The following GRIN2C variants were observed in gnomAD, a reference collection of about 807,000 sequenced individuals.
The protein encoded by GRIN2C is glutamate ionotropic receptor NMDA type subunit 2C.
In GRIN2C, 64 loss-of-function variants were observed where a neutral mutation model predicts 77.7. That is an observed-to-expected ratio of 0.82 (90% CI 0.67 to 1.01). GRIN2C has a LOEUF of 1.01. Among genes scored for constraint, GRIN2C ranks in the 50% least tolerant of loss-of-function variants. The pLI, the probability that GRIN2C is intolerant of heterozygous loss-of-function variation, is 0.00. For missense variants in GRIN2C, 1,549 were observed against 1,486.0 expected (o/e 1.04, Z -0.70); for synonymous variants, 792 against 643.4 (o/e 1.23, Z -3.49).
Position 74,849,994 on chromosome 17 carries a change from C to G in GRIN2C, c.1492-61G>C, listed in dbSNP as rs1350880953. On this transcript the variant is annotated intron_variant, in intron 6 of 12. Coordinates refer to ENST00000293190, the MANE Select transcript of GRIN2C (RefSeq NM_000835.6). The surrounding 1 kb of genome is among the most constrained non-coding windows in gnomAD (Gnocchi z 4.6). ...GCTCCCGTGGGGTGGACACGCTGCA[C>G]AGGCACCTCCAGACACCCCTTCTAG... 7.2e-6 allele frequency: 11 copies of G among 1,536,834 alleles called. No individual in the cohort carries two copies. The Admixed American group carries it at 1.9e-4, about 26-fold the overall frequency.
At position 74,846,294 on chromosome 17, in the gene GRIN2C, A is replaced by G. The variant is rs779028877; in HGVS notation, c.2163-41T>C. ...GCCTCAGAGCTAGGGACCATATGGG[A>G]GGGGAGGGGACACCGAAACTGGGGC... On this transcript the variant is annotated intron_variant, in intron 10 of 12. Coordinates refer to ENST00000293190, the MANE Select transcript of GRIN2C (RefSeq NM_000835.6). This position sits in a 1 kb window ranked among gnomAD's most constrained non-coding sequence, Gnocchi z 4.4. The G allele has an allele frequency of 2.5e-6, 4 of 1,576,832 alleles. No homozygotes were observed. The African/African-American group carries it at 4.0e-5, about 16-fold the overall frequency.
chr17:74,854,738 T>C lies in GRIN2C; in HGVS notation c.355A>G (p.Ile119Val). The C allele has an allele frequency of 1.9e-6, 3 of 1,611,406 alleles. No individual in the cohort carries two copies. In the South Asian group the frequency reaches 3.3e-5, roughly 18 times the overall value. ...GCAGAGCCTCCGCTGATGCTGAGGA[T>C]GGGCACATGGGTCTGGGAGGAGATG... ...DFISSQTHVP[I>V]LSISGGSAVV... The change falls in exon 2 of 13, where the codon ATC (isoleucine) becomes GTC (valine). Residue 119 changes from isoleucine to valine, a missense_variant. This residue lies in a region of GRIN2C where 382 missense variants were observed against 360.0 expected (regional missense o/e 1.06). Transcript: ENST00000293190.
chr17:74,843,293 G>T lies in GRIN2C; in HGVS notation c.2844C>A (p.Thr948=). The change falls in exon 13 of 13, where the codon ACC becomes ACA. Residue 948 remains threonine (T), a synonymous_variant. Transcript: ENST00000293190. ...GGCTCGGCTCTGGGGGCGGGTCGGG[G>T]GTGGGCAGGCATGGGCTGGGGCCAG... ...PRSGPSPCLP[T]PDPPPEPSPT... 1 of 1,192,456 alleles carries T rather than the reference G, an allele frequency of 8.4e-7. No homozygotes were observed. The highest frequency in any genetic ancestry group is 1.1e-6 in the Non-Finnish European group (1 of 876,646). 73.9% of individuals were successfully genotyped at this position (1,192,456 alleles called of 1,614,324 possible). A position where few individuals can be genotyped will look rare whatever the true frequency, so the allele number is the denominator to read the frequency against.
At position 74,852,116 on chromosome 17, in the gene GRIN2C, C is replaced by T; in HGVS notation, c.895G>A (p.Gly299Ser). 2 of 1,462,096 alleles carry T rather than the reference C, an allele frequency of 1.4e-6. No individual in the cohort carries two copies. Among genetic ancestry groups the T allele is most frequent in the South Asian group, 1.4e-5 (1 of 72,788 alleles). 90.6% of individuals were successfully genotyped at this position (1,462,096 alleles called of 1,614,324 possible). A position where few individuals can be genotyped will look rare whatever the true frequency, so the allele number is the denominator to read the frequency against. ...VRDGVAILAL[G>S]AHSYWRQHGT... ...TGCTGGCGCCAGTAGCTGTGGGCGC[C>T]CAGGGCCAGAATGGCCACGCCGTCG... Residue 299 changes from glycine (G) to serine (S), a missense_variant, in exon 3 of 13, where the codon GGC (glycine) becomes AGC (serine). Physicochemically the swap from Gly to Ser is moderately conservative, Grantham distance 56 (BLOSUM62 0). Coordinates refer to ENST00000293190, the MANE Select transcript of GRIN2C (RefSeq NM_000835.6).
intron 3 of GRIN2C, 43 bp from the exon 4 acceptor site, chr17:74,851,734 G>T: frequency 8.0e-7 from 1 of 1,252,870 alleles, no homozygotes; most frequent in Non-Finnish European, 1.1e-6. Context: ...CAAGGACCAG[G>T]CACCCCCTGC....
chr17:74,850,804 C>G lies in GRIN2C; in HGVS notation c.1114-37G>C, dbSNP rs1263973883. The stretch of plus-strand genomic sequence containing the variant: ...GACAGCCTCAGCCTGGGGCCTCCAG[C>G]CCTACAGCCCCCACCCTCTAGGTGG... On this transcript the variant is annotated intron_variant, in intron 4 of 12. Transcript: ENST00000293190. This position sits in a 1 kb window ranked among gnomAD's most constrained non-coding sequence, Gnocchi z 5.3. The G allele has an allele frequency of 1.3e-6, 2 of 1,519,424 alleles. No individual in the cohort carries two copies. The allele number at this position is 1,519,424 out of a possible 1,614,324, so 94.1% of individuals were successfully genotyped here.
Position 74,844,406 on chromosome 17 carries a change from A to G in GRIN2C, c.2453T>C (p.Val818Ala), listed in dbSNP as rs1266477763. The G allele has an allele frequency of 1.9e-6, 3 of 1,614,046 alleles. No homozygotes were observed. In the South Asian group the frequency reaches 3.3e-5, roughly 18 times the overall value. The stretch of plus-strand genomic sequence containing the variant: ...CATGGCCACCAGCAGCATGTAGAAG[A>G]CGCCTGCCATGTTGTCGATGTCCAG... ...SKLDIDNMAG[V>A]FYMLLVAMGL... is the part of the protein sequence containing the mutation. Residue 818 changes from valine (V) to alanine (A), a missense_variant, in exon 12 of 13, where the codon GTC becomes GCC. By Grantham distance (64) the Val-to-Ala change is moderately conservative. Coordinates refer to ENST00000293190, the MANE Select transcript of GRIN2C (RefSeq NM_000835.6).
rs372220061 is a variant in GRIN2C at position 74,850,726 on chromosome 17, G to C, written c.1155C>G (p.Pro385=). The change falls in exon 5 of 13, where the codon CCC becomes CCG. Residue 385 remains proline, a synonymous_variant. Coordinates refer to ENST00000293190, the MANE Select transcript of GRIN2C (RefSeq NM_000835.6). This position sits in a 1 kb window ranked among gnomAD's most constrained non-coding sequence, Gnocchi z 5.3. ...GAGAGGCACTGTAGCGAGGCCACAC[G>C]GGGTACTTCATGTATAGGACGCCAT... ...WEHGVLYMKY[P]VWPRYSASLQ... is the part of the protein sequence containing the mutation. 40 of 1,613,278 alleles carry C rather than the reference G, an allele frequency of 2.5e-5. No individual in the cohort carries two copies. Among genetic ancestry groups the C allele is most frequent in the Non-Finnish European group, 3.3e-5 (39 of 1,179,988 alleles).
intron 11 of GRIN2C, among the ~76,000 whole-genome samples, chr17:74,845,860 T>TA (rs1382685600): frequency 6.6e-6 from 1 of 151,794 alleles, no homozygotes; most frequent in African/African-American, 2.4e-5. Context: ...TCTAGCCCAG[T>TA]TCCTGCTCCC....
In GRIN2C at chr17:74,842,419, C is replaced by T. The variant is rs1052417222; in HGVS notation, c.*16G>A. On this transcript the variant is annotated 3_prime_UTR_variant, in exon 13 of 13. Transcript: ENST00000293190. ...GCAGAGAATCCAGCTGGCTCGGAGC[C>T]TGAGTGGCTGATAACTCACACTTCT... The T allele has an allele frequency of 2.6e-6, 2 of 767,816 alleles. No individual in the cohort carries two copies. The highest frequency in any genetic ancestry group is 4.8e-6 in the Non-Finnish European group (2 of 412,724). The allele number at this position is 767,816 out of a possible 1,614,324, so 47.6% of individuals were successfully genotyped here. A position where few individuals can be genotyped will look rare whatever the true frequency, so the allele number is the denominator to read the frequency against.
At position 74,849,692 on chromosome 17, in the gene GRIN2C, C is replaced by T; in HGVS notation, c.1645+88G>A. 1 of 1,284,076 alleles carries T rather than the reference C, an allele frequency of 7.8e-7. No homozygotes were observed. The allele number at this position is 1,284,076 out of a possible 1,614,324, so 79.5% of individuals were successfully genotyped here. ...CTGTGCTTGGCCTGTGAGAGCCCAC[C>T]CAACTCCCCATCCCCACCCAAGCTG... On this transcript the variant is annotated intron_variant, in intron 7 of 12. Transcript: ENST00000293190. This position sits in a 1 kb window ranked among gnomAD's most constrained non-coding sequence, Gnocchi z 4.6.
chr17:74,842,956 C>T lies in GRIN2C; in HGVS notation c.3181G>A (p.Ala1061Thr). ...DLPLLGPEQL[A>T]RREALLHAAW... ...GCGTGCAGCAGGGCCTCCCGCCGGG[C>T]CAGCTGCTCCGGACCGAGCAGCGGC... Residue 1061 changes from alanine to threonine, a missense_variant, in exon 13 of 13, where the codon GCC (alanine) becomes ACC (threonine). By Grantham distance (58) the Ala-to-Thr change is moderately conservative. This residue lies in a region of GRIN2C where 450 missense variants were observed against 267.9 expected (regional missense o/e 1.68). Transcript: ENST00000293190. 1 of 545,602 alleles carries T rather than the reference C, an allele frequency of 1.8e-6. No individual in the cohort carries two copies. Among genetic ancestry groups the T allele is most frequent in the South Asian group, 2.3e-5 (1 of 43,804 alleles). The allele number at this position is 545,602 out of a possible 1,614,324, so 33.8% of individuals were successfully genotyped here.
rs759997177 is a variant in GRIN2C, at chr17:74,847,837, C to T, written c.1771+15G>A. ...CCCAGGCCCACCCCTCCTGCCGGGC[C>T]CAGGCAAGGCTTACTCTTGCCTCTG... On this transcript the variant is annotated intron_variant, in intron 8 of 12. Transcript: ENST00000293190. This position sits in a 1 kb window ranked among gnomAD's most constrained non-coding sequence, Gnocchi z 5.2. 2.5e-6 allele frequency: 4 copies of T among 1,613,664 alleles called. No individual in the cohort carries two copies. Among genetic ancestry groups the T allele is most frequent in the African/African-American group, 2.7e-5 (2 of 74,900 alleles).
Position 74,855,109 on chromosome 17 carries a change from T to C in GRIN2C, c.-15-2A>G, listed in dbSNP as rs2037783740. The C allele has an allele frequency of 6.4e-7, 1 of 1,556,758 alleles. No homozygotes were observed. The highest frequency in any genetic ancestry group is 2.2e-5 in the East Asian group (1 of 44,468). ...CCCACCCATGTCCACCGGAGGGTCC[T>C]GCGGAGAGACCAGAACAAGCACAGG... On this transcript the variant is annotated splice_acceptor_variant, in intron 1 of 12. Transcript: ENST00000293190. LOFTEE classifies it low-confidence loss of function (5UTR_SPLICE).
In GRIN2C at chr17:74,842,610, G is replaced by A. The variant is rs765894647; in HGVS notation, c.3527C>T (p.Ser1176Phe). Residue 1176 changes from serine to phenylalanine, a missense_variant, in exon 13 of 13, where the codon TCC (serine) becomes TTC (phenylalanine). Coordinates refer to ENST00000293190, the MANE Select transcript of GRIN2C (RefSeq NM_000835.6). Reference sequence around the variant, plus strand: ...AGGCCCCCAGGCCCCGGAGAGCCAGGAGCCGTGGCTGGCACAGGGTGGAAG... The same window carrying A: ...AGGCCCCCAGGCCCCGGAGAGCCAGAAGCCGTGGCTGGCACAGGGTGGAAG... The part of the protein sequence containing the change: ...PHLPPCASHG[S>F]WLSGAWGPLG... 7.2e-5 allele frequency: 55 copies of A among 763,524 alleles called. No homozygotes were observed. The highest frequency in any genetic ancestry group is 6.0e-4 in the African/African-American group (35 of 58,782). 47.3% of individuals were successfully genotyped at this position (763,524 alleles called of 1,614,324 possible). A position where few individuals can be genotyped will look rare whatever the true frequency, so the allele number is the denominator to read the frequency against.
At chr17:74,855,198 C>A (rs373176344) in intron 1 of GRIN2C, 91 bp from the exon 2 acceptor site, 2 of 1,049,042 alleles carry the variant, frequency 1.9e-6, no homozygotes, top group South Asian at 1.9e-5. Context: ...GACACACATA[C>A]GGAAGATGAA....
Position 74,842,905 on chromosome 17 carries a change from G to C in GRIN2C, c.3232C>G (p.Arg1078Gly). 1 of 570,210 alleles carries C rather than the reference G, an allele frequency of 1.8e-6. No homozygotes were observed. Among genetic ancestry groups the C allele is most frequent in the South Asian group, 2.1e-5 (1 of 48,074 alleles). 35.3% of individuals were successfully genotyped at this position (570,210 alleles called of 1,614,324 possible). Residue 1078 changes from arginine to glycine, a missense_variant, in exon 13 of 13, where the codon CGT becomes GGT. Coordinates refer to ENST00000293190, the MANE Select transcript of GRIN2C (RefSeq NM_000835.6). ...HAAWARGSRP[R>G]HASLPSSVAE... Reference sequence around the variant, plus strand: ...ACGGAGCTGGGCAGGGAAGCGTGACGCGGGCGCGAGCCCCGGGCCCAGGCC... The same window carrying C: ...ACGGAGCTGGGCAGGGAAGCGTGACCCGGGCGCGAGCCCCGGGCCCAGGCC...
At position 74,847,326 on chromosome 17, in the gene GRIN2C, C is replaced by G. The variant is rs757520453; in HGVS notation, c.1983G>C (p.Ser661=). The change falls in exon 9 of 13, where the codon TCG becomes TCC. Residue 661 remains serine (S), a synonymous_variant. Coordinates refer to ENST00000293190, the MANE Select transcript of GRIN2C (RefSeq NM_000835.6). The surrounding 1 kb of genome is among the most constrained non-coding windows in gnomAD (Gnocchi z 5.2). The part of the protein sequence containing the change: ...MIQEQYIDTV[S]GLSDKKFQRP... ...CCACAACCTTCTTGTCACTGAGGCC[C>G]GACACAGTGTCGATGTATTGCTCTT... is the stretch of plus-strand genomic sequence containing the variant. 6.2e-7 allele frequency: 1 copy of G among 1,612,574 alleles called. No homozygotes were observed. Among genetic ancestry groups the G allele is most frequent in the Non-Finnish European group, 8.5e-7 (1 of 1,179,020 alleles).
At chr17:74,848,075 AG>A in intron 7 of GRIN2C, 98 bp from the exon 8 acceptor site, 2 of 1,374,302 alleles carry the variant, frequency 1.5e-6, no homozygotes, top group Non-Finnish European at 2.0e-6. Flanking sequence ...TGATCAAAGT[AG>A]GGGCCCACCA....
Sources: gnomAD v4.1 joint callset for allele counts (sites outside exome capture counted in the v4.1 genomes callset) on GRCh38, gnomAD v4.1.1 for gene constraint, gnomAD v4.1.1 regional missense constraint, Gnocchi (gnomAD v3.1) non-coding constraint, MANE v1.5 for transcripts, NCBI Gene and HGNC (gene_info 2026-07-23, HGNC 2026-07-21) for gene names.